LPIN1: variants seen among roughly 807,000 people sequenced by gnomAD.
LPIN1 encodes the protein lipin 1, also known as phosphatidate phosphatase LPIN1.
Under a neutral mutation model 107.5 loss-of-function variants are expected in LPIN1, and 71 were observed. The ratio of observed to expected loss-of-function variants is 0.66; its 90% CI spans 0.55 to 0.80. The LOEUF is 0.80. Among genes scored for constraint, LPIN1 ranks in the 30% least tolerant of loss-of-function variants. LPIN1 has a pLI of 0.00. For synonymous variants in LPIN1, 445 were observed against 452.6 expected (o/e 0.98, Z 0.21); for missense variants, 1,043 against 1,160.6 (o/e 0.90, Z 1.47).
intron 7 of LPIN1, among the ~76,000 whole-genome samples, 175 bp downstream of exon 7, chr2:11,779,820 T>G (rs1257025763): frequency 6.6e-6 from 1 of 152,216 alleles, no homozygotes; most frequent in Non-Finnish European, 1.5e-5. Flanking sequence ...GTTACCAACA[T>G]TATAGAGAGG....
intron 1 of LPIN1, among the ~76,000 whole-genome samples, chr2:11,738,532 C>T (rs1666021154): frequency 6.7e-6 from 1 of 149,594 alleles, no homozygotes; most frequent in South Asian, 2.1e-4. Flanking sequence ...GTTTACCCTC[C>T]TGTCTTAAAA....
At chr2:11,734,915 G>C (rs1177387362) in intron 1 of LPIN1, among the ~76,000 whole-genome samples, 1 of 152,210 alleles carries the variant, frequency 6.6e-6, no homozygotes, top group African/African-American at 2.4e-5. Context: ...CCTTGCGTTA[G>C]AAAGGAACAG....
chr2:11,689,708 A>G lies in LPIN1; in HGVS notation c.81+11980A>G, dbSNP rs375436173. ...TGTCTGAGGTCAGGAGTTCAAGATC[A>G]GCCTGGCCAACATGGCGAAACCCCA... On this transcript the variant is annotated intron_variant, in intron 1 of 21. Coordinates refer to the LPIN1 transcript ENST00000449576. Among the ~76,000 whole-genome samples the G allele has an allele frequency of 7.9e-5, 12 of 152,326 alleles. No individual in the cohort carries two copies. In the East Asian group the frequency reaches 1.9e-3, roughly 24 times the overall value.
chr2:11,798,298 T>C (rs1219119093), intron 14 of LPIN1, among the ~76,000 whole-genome samples: 1 of 151,960 alleles, frequency 6.6e-6, no homozygotes, highest in African/African-American at 2.4e-5. Flanking sequence ...GGCCTGAGGG[T>C]CAGAGAGTTA....
At chr2:11,797,124 G>A (rs549218998) in intron 14 of LPIN1, among the ~76,000 whole-genome samples, 10 of 152,292 alleles carry the variant, frequency 6.6e-5, no homozygotes, top group East Asian at 5.8e-4. Context: ...GAAATGCCCC[G>A]CTTTCCTGGA....
At chr2:11,823,431 C>G (rs1461104089) in intron 20 of LPIN1, among the ~76,000 whole-genome samples, 1 of 152,182 alleles carries the variant, frequency 6.6e-6, no homozygotes, top group East Asian at 1.9e-4. Flanking sequence ...AGACATAACT[C>G]TTGGTTTTGT....
At chr2:11,775,252 C>A in intron 5 of LPIN1, among the ~76,000 whole-genome samples, 1 of 152,096 alleles carries the variant, frequency 6.6e-6, no homozygotes, top group East Asian at 1.9e-4. Context: ...CTCATTCTTT[C>A]TCTAGGTCTG....
intron 13 of LPIN1, among the ~76,000 whole-genome samples, chr2:11,794,641 CAGAG>C (rs57995071): frequency 0.31 from 47,135 of 151,808 alleles, 7,647 homozygotes; most frequent in African/African-American, 0.39. Context: ...GAAACGAGCA[CAGAG>C]AAAGAGATTT....
chr2:11,768,235 C>T (rs572540133), intron 3 of LPIN1, among the ~76,000 whole-genome samples: 119 of 152,282 alleles, frequency 7.8e-4, no homozygotes, highest in Admixed American at 2.7e-3. Context: ...ATTTTAAAAG[C>T]TTTATTGAGA....
chr2:11,678,927 C>T, intron 1 of LPIN1, among the ~76,000 whole-genome samples: 1 of 152,354 alleles, frequency 6.6e-6, no homozygotes, highest in South Asian at 2.1e-4. Context: ...ATGACACCCA[C>T]ACTCAGATTA....
chr2:11,751,549 G>A (rs1003002649), intron 1 of LPIN1, among the ~76,000 whole-genome samples: 8 of 152,138 alleles, frequency 5.3e-5, no homozygotes, highest in African/African-American at 1.9e-4. Flanking sequence ...ATGTACAAAT[G>A]TAATTTTTTA....
intron 1 of LPIN1, among the ~76,000 whole-genome samples, chr2:11,692,743 A>C (rs1662337092): frequency 6.6e-6 from 1 of 152,214 alleles, no homozygotes; most frequent in South Asian, 2.1e-4. Flanking sequence ...AAAATCATTT[A>C]AATTGCCCTT....
intron 3 of LPIN1, among the ~76,000 whole-genome samples, chr2:11,768,916 T>A (rs1261175003): frequency 6.6e-6 from 1 of 152,014 alleles, no homozygotes; most frequent in Non-Finnish European, 1.5e-5. Flanking sequence ...AGCCTGGGTG[T>A]CAGAGCGAGG....
At chr2:11,764,103 T>TACACACACACAC (rs1174224490) in intron 1 of LPIN1, 1 of 121,806 alleles carries the variant, frequency 8.2e-6, no homozygotes, top group Non-Finnish European at 1.6e-5. Context: ...TATATATATA[T>TACACACACACAC]ACACACACAC....
chr2:11,768,867 C>A (rs1335599011), intron 3 of LPIN1, among the ~76,000 whole-genome samples: 1 of 151,986 alleles, frequency 6.6e-6, no homozygotes, highest in South Asian at 2.1e-4. Flanking sequence ...ACCCGGGAGG[C>A]GGAGCTTGCA....
At chr2:11,759,153 C>A (rs937345673) in intron 1 of LPIN1, among the ~76,000 whole-genome samples, 31 of 147,090 alleles carry the variant, frequency 2.1e-4, no homozygotes, top group African/African-American at 7.2e-4. Context: ...TTCTTTCTTT[C>A]TTTCTTTCTT....
rs1043562919 is a variant in LPIN1 at position 11,707,619 on chromosome 2, G to A, written c.82-6137G>A. Among the ~76,000 whole-genome samples, 3 of 152,216 alleles carry A rather than the reference G, an allele frequency of 2.0e-5. No individual in the cohort carries two copies. Among genetic ancestry groups the A allele is most frequent in the Admixed American group, 1.3e-4 (2 of 15,290 alleles). Reference sequence around the variant, plus strand: ...TGCTGGAGCTGCGGGAGAGAGCAGCGTGGCTGGGACTGGGTGGTGGTGCAC... The same window carrying A: ...TGCTGGAGCTGCGGGAGAGAGCAGCATGGCTGGGACTGGGTGGTGGTGCAC... On this transcript the variant is annotated intron_variant, in intron 1 of 21. Coordinates refer to the LPIN1 transcript ENST00000449576. This position sits in a 1 kb window ranked among gnomAD's most constrained non-coding sequence, Gnocchi z 4.2.
chr2:11,746,335 C>A (rs1350310609), upstream of LPIN1, among the ~76,000 whole-genome samples: 1 of 152,170 alleles, frequency 6.6e-6, no homozygotes. Flanking sequence ...TGCACCCCTC[C>A]GTCCTCACTC....
chr2:11,820,804 A>G (rs1354839888), intron 20 of LPIN1, among the ~76,000 whole-genome samples: 1 of 152,252 alleles, frequency 6.6e-6, no homozygotes, highest in Non-Finnish European at 1.5e-5. Flanking sequence ...TTGCCAAGTT[A>G]GGTTTGAAAG....
Sources: allele counts gnomAD v4.1 joint callset (sites outside exome capture counted in the v4.1 genomes callset), GRCh38; gene constraint gnomAD v4.1.1; non-coding constraint Gnocchi (gnomAD v3.1); transcripts MANE v1.5; gene names NCBI Gene and HGNC (gene_info 2026-07-23, HGNC 2026-07-21).